The following GSE1 variants were observed in gnomAD, a reference collection of about 807,000 sequenced individuals.
GSE1 encodes genetic suppressor element 1.
A neutral mutation model predicts 112.6 loss-of-function variants in GSE1; 32 were observed. That is an observed-to-expected ratio of 0.28 (90% confidence interval 0.21 to 0.38). The LOEUF (loss-of-function observed/expected upper bound fraction) is 0.38, where lower values mean the gene tolerates loss of function less well. GSE1 is among the 10% of genes least tolerant of loss of function. The pLI is 1.00. For synonymous variants in GSE1, 1,115 were observed against 735.6 expected (o/e 1.52, Z -8.35); for missense variants, 2,348 against 1,699.2 (o/e 1.38, Z -6.71).
intron 1 of GSE1, among the ~76,000 whole-genome samples, chr16:85,579,144 G>T (rs1176857756): frequency 2.6e-5 from 4 of 152,180 alleles, no homozygotes; most frequent in African/African-American, 9.7e-5. Context: ...GGTGGTGTCA[G>T]CTTGGAGCTT....
rs770217193 is a variant in GSE1 at position 85,661,395 on chromosome 16, C to G, written c.1890C>G (p.Cys630Trp). Reference sequence around the variant, plus strand: ...TGGTGAAGGTGGAGCGGGTCTTCTGCCCGGAGAAAGCAGAGGAGGGGCCAC... The same window carrying G: ...TGGTGAAGGTGGAGCGGGTCTTCTGGCCGGAGAAAGCAGAGGAGGGGCCAC... ...VPLVKVERVF[C>W]PEKAEEGPRK... Residue 630 changes from cysteine (C) to tryptophan (W), a missense_variant, in exon 9 of 16, where the codon TGC (cysteine) becomes TGG (tryptophan). Transcript: ENST00000253458. The G allele has an allele frequency of 6.2e-7, 1 of 1,612,308 alleles. No individual in the cohort carries two copies. Among genetic ancestry groups the G allele is most frequent in the South Asian group, 1.1e-5 (1 of 91,054 alleles).
At chr16:85,597,413 T>C (rs2047282587) in intron 1 of GSE1, among the ~76,000 whole-genome samples, 5 of 150,564 alleles carry the variant, frequency 3.3e-5, no homozygotes, top group Admixed American at 3.3e-4. Context: ...AAGAAAGTTC[T>C]GTCAGAGAGC....
At chr16:85,381,180 C>T (rs1428822451) in intron 2 of GSE1, among the ~76,000 whole-genome samples, 5 of 152,214 alleles carry the variant, frequency 3.3e-5, no homozygotes, top group East Asian at 1.9e-4. Context: ...CTATTCTGGA[C>T]GTTTCACAGA....
chr16:85,361,869 G>A (rs754739524), intron 2 of GSE1, among the ~76,000 whole-genome samples: 2 of 152,236 alleles, frequency 1.3e-5, no homozygotes, highest in Non-Finnish European at 2.9e-5. Context: ...AGACTCCCGG[G>A]GCAGCCCACA....
chr16:85,186,064 G>C (rs1448510416), intron 1 of GSE1, among the ~76,000 whole-genome samples: 2 of 152,194 alleles, frequency 1.3e-5, no homozygotes, highest in Non-Finnish European at 2.9e-5. Flanking sequence ...TCTGACCATA[G>C]TCACCACTGA....
chr16:85,598,544 A>G (rs77001692), intron 1 of GSE1, among the ~76,000 whole-genome samples: 103 of 152,350 alleles, frequency 6.8e-4, no homozygotes, highest in African/African-American at 2.4e-3. Context: ...CAGCACTCCA[A>G]ATAGCTGAGC....
intron 2 of GSE1, among the ~76,000 whole-genome samples, chr16:85,493,979 G>A (rs2051091671): frequency 6.6e-6 from 1 of 152,208 alleles, no homozygotes; most frequent in Non-Finnish European, 1.5e-5. Flanking sequence ...GCTACCTTGG[G>A]AGGCTGAGGT....
chr16:85,416,722 G>A (rs1165151721), intron 2 of GSE1, among the ~76,000 whole-genome samples: 3 of 152,232 alleles, frequency 2.0e-5, no homozygotes, highest in Non-Finnish European at 1.5e-5. Context: ...CCACTTTCGT[G>A]GAATTACAGG....
chr16:85,397,471 G>C (rs2047994579), intron 2 of GSE1, among the ~76,000 whole-genome samples: 1 of 152,236 alleles, frequency 6.6e-6, no homozygotes, highest in South Asian at 2.1e-4. Flanking sequence ...TGTGGTCTCT[G>C]CTGGCCCAGG....
At chr16:85,457,165 C>G (rs2049851969) in intron 2 of GSE1, among the ~76,000 whole-genome samples, 1 of 152,214 alleles carries the variant, frequency 6.6e-6, no homozygotes, top group South Asian at 2.1e-4. Flanking sequence ...GCCCTAGAGG[C>G]TGCCAGGATT....
intron 1 of GSE1, among the ~76,000 whole-genome samples, chr16:85,213,521 T>A (rs569245702): frequency 6.6e-6 from 1 of 152,334 alleles, no homozygotes; most frequent in South Asian, 2.1e-4. Flanking sequence ...CCCTGTGTAC[T>A]TTGTCATTGC....
chr16:85,587,168 A>ACCC (rs71153805), intron 1 of GSE1, among the ~76,000 whole-genome samples: 17 of 116,802 alleles, frequency 1.5e-4, no homozygotes, highest in African/African-American at 5.3e-4. Context: ...TGAGGACGAA[A>ACCC]CCCCCCCCCC....
At chr16:85,198,361 G>A (rs372729201) in intron 1 of GSE1, among the ~76,000 whole-genome samples, 55 of 152,336 alleles carry the variant, frequency 3.6e-4, no homozygotes, top group African/African-American at 1.3e-3. Flanking sequence ...CATGTCCTTG[G>A]AACGTGTTTT....
intron 3 of GSE1, among the ~76,000 whole-genome samples, chr16:85,652,400 G>T (rs1218534180): frequency 3.9e-5 from 6 of 152,244 alleles, no homozygotes; most frequent in Non-Finnish European, 1.5e-5. Context: ...CAGGGCGTCA[G>T]TGCCCATGTG....
In GSE1 at chr16:85,666,432, TCAG is replaced by T; in HGVS notation, c.3130+87_3130+89del. On this transcript the variant is annotated intron_variant, in intron 13 of 15. Transcript: ENST00000253458. ...CTGAGCGCCACAGCTGCTCAGCCGT[TCAG>T]CCGTGGGCACAAGTTTTTATAAACT... The T allele has an allele frequency of 1.6e-5, 22 of 1,361,368 alleles. No individual in the cohort carries two copies. The South Asian group carries it at 2.4e-4, about 15-fold the overall frequency. 84.3% of individuals were successfully genotyped at this position (1,361,368 alleles called of 1,614,324 possible).
intron 2 of GSE1, among the ~76,000 whole-genome samples, chr16:85,502,128 G>A (rs1171768249): frequency 1.3e-5 from 2 of 152,188 alleles, no homozygotes; most frequent in African/African-American, 4.8e-5. Context: ...GAGCCTGAGG[G>A]AAGGCAGCTG....
At chr16:85,489,452 G>A (rs928981683) in intron 2 of GSE1, among the ~76,000 whole-genome samples, 1 of 152,074 alleles carries the variant, frequency 6.6e-6, no homozygotes, top group Non-Finnish European at 1.5e-5. Flanking sequence ...CGCTGCAGAA[G>A]CTCTCAAGCA....
At chr16:85,475,300 A>C (rs542359991) in intron 2 of GSE1, among the ~76,000 whole-genome samples, 1 of 152,302 alleles carries the variant, frequency 6.6e-6, no homozygotes, top group Admixed American at 6.5e-5. Flanking sequence ...TGCGTCGCTG[A>C]ATCTGTGATC....
At chr16:85,195,513 C>T (rs578120508) in intron 1 of GSE1, among the ~76,000 whole-genome samples, 1 of 152,322 alleles carries the variant, frequency 6.6e-6, no homozygotes, top group African/African-American at 2.4e-5. Context: ...TTGGATGCAG[C>T]TCTCTGGATT....
Sources: gnomAD v4.1 joint callset for allele counts (sites outside exome capture counted in the v4.1 genomes callset) on GRCh38, gnomAD v4.1.1 for gene constraint, MANE v1.5 for transcripts, NCBI Gene and HGNC (gene_info 2026-07-23, HGNC 2026-07-21) for gene names.